The following DCC variants were observed in gnomAD, a reference collection of about 807,000 sequenced individuals.
DCC encodes DCC netrin 1 receptor.
DCC carries 58 observed loss-of-function variants against 172.5 expected under a neutral mutation model. The observed-to-expected ratio is 0.34, with a 90% CI of 0.27 to 0.42. DCC has a LOEUF of 0.42. Among genes scored for constraint, DCC ranks in the 10% least tolerant of loss-of-function variants. The pLI, the probability that DCC is intolerant of heterozygous loss-of-function variation, is 1.00. For missense variants in DCC, 1,740 were observed against 1,791.0 expected (o/e 0.97, Z 0.51); for synonymous variants, 709 against 644.5 (o/e 1.10, Z -1.52).
Position 52,752,132 on chromosome 18 carries a change from T to A in DCC, c.170T>A (p.Val57Asp). 1.2e-6 allele frequency: 2 copies of A among 1,614,154 alleles called. No individual in the cohort carries two copies. The highest frequency in any genetic ancestry group is 8.5e-7 in the Non-Finnish European group (1 of 1,180,028). ...GCCGTCACAATGCGGGGAGGAAATG[T>A]CCTCCTCGACTGCTCCGCGGAGTCC... is the stretch of plus-strand genomic sequence containing the variant. ...SDAVTMRGGNVLLDCSAESDR... is the reference protein window; with the variant it reads ...SDAVTMRGGNDLLDCSAESDR... The change falls in exon 2 of 29, where the codon GTC becomes GAC. Residue 57 changes from valine to aspartate, a missense_variant. Physicochemically the swap from Val to Asp is radical, Grantham distance 152. Around this residue, in one of 2 missense-constraint regions of DCC, gnomAD observed 1,732 missense variants for 1,767.4 expected, o/e 0.98. Transcript: ENST00000442544.
chr18:53,166,593 T>C (rs1181134757), intron 8 of DCC, among the ~76,000 whole-genome samples: 1 of 152,194 alleles, frequency 6.6e-6, no homozygotes, highest in Non-Finnish European at 1.5e-5. Flanking sequence ...GCTCATTATT[T>C]GCAGTTACAG....
At chr18:52,934,039 T>C (rs1016431785) in intron 5 of DCC, among the ~76,000 whole-genome samples, 3 of 152,026 alleles carry the variant, frequency 2.0e-5, no homozygotes, top group African/African-American at 7.2e-5. Context: ...GTTGGAAAGA[T>C]TAAGCTAGCT....
intron 15 of DCC, among the ~76,000 whole-genome samples, chr18:53,344,468 A>T (rs2057699855): frequency 8.8e-6 from 1 of 112,996 alleles, no homozygotes; most frequent in Admixed American, 1.2e-4. Flanking sequence ...TTTGAGCCAC[A>T]GTCTCACTTT....
chr18:53,306,376 A>T (rs553393428), intron 13 of DCC, among the ~76,000 whole-genome samples: 1 of 152,234 alleles, frequency 6.6e-6, no homozygotes, highest in Non-Finnish European at 1.5e-5. Context: ...TCAACGTAAT[A>T]CCTTTAAAGT....
At chr18:52,979,723 T>A (rs1267715988) in intron 5 of DCC, among the ~76,000 whole-genome samples, 2 of 152,176 alleles carry the variant, frequency 1.3e-5, no homozygotes, top group African/African-American at 2.4e-5. Context: ...GTGTACTGAA[T>A]GAGAAGAGCA....
intron 1 of DCC, among the ~76,000 whole-genome samples, chr18:52,611,902 C>T (rs2034283498): frequency 6.6e-6 from 1 of 152,158 alleles, no homozygotes; most frequent in Admixed American, 6.5e-5. Flanking sequence ...TAAATGATTA[C>T]ATATGTGATT....
chr18:53,361,647 A>G (rs1286069806), intron 15 of DCC, among the ~76,000 whole-genome samples: 2 of 152,194 alleles, frequency 1.3e-5, no homozygotes, highest in Non-Finnish European at 2.9e-5. Context: ...ATGTTAGTGT[A>G]CAGCAGATAC....
intron 5 of DCC, among the ~76,000 whole-genome samples, chr18:52,996,151 G>A (rs2041474425): frequency 6.6e-6 from 1 of 151,968 alleles, no homozygotes; most frequent in South Asian, 2.1e-4. Context: ...ATGTGTAATA[G>A]CGTAAAATTA....
chr18:52,673,794 A>G (rs1354104941), intron 1 of DCC, among the ~76,000 whole-genome samples: 1 of 152,200 alleles, frequency 6.6e-6, no homozygotes, highest in African/African-American at 2.4e-5. Flanking sequence ...TGTCCTCTTG[A>G]AAGTAAATAG....
intron 2 of DCC, among the ~76,000 whole-genome samples, chr18:52,904,937 A>G (rs1374957750): frequency 6.6e-6 from 1 of 152,182 alleles, no homozygotes; most frequent in East Asian, 1.9e-4. Context: ...ATTGATACCA[A>G]TAGATTTCTT....
At chr18:52,762,495 T>C (rs2037178767) in intron 2 of DCC, among the ~76,000 whole-genome samples, 1 of 151,484 alleles carries the variant, frequency 6.6e-6, no homozygotes, top group Non-Finnish European at 1.5e-5. Context: ...ACAAACATTT[T>C]TTAAACAAAA....
At chr18:53,484,423 A>G (rs2045877526) in intron 25 of DCC, among the ~76,000 whole-genome samples, 1 of 151,712 alleles carries the variant, frequency 6.6e-6, no homozygotes, top group South Asian at 2.1e-4. Context: ...GCTGTGCAGA[A>G]GCTTTTTAGT....
At chr18:53,382,609 G>T (rs374891851) in intron 15 of DCC, among the ~76,000 whole-genome samples, 6 of 152,128 alleles carry the variant, frequency 3.9e-5, no homozygotes, top group African/African-American at 1.4e-4. Flanking sequence ...TCTCTGCCCA[G>T]AATTATATTA....
rs1376613221 is a variant in DCC at position 52,931,379 on chromosome 18, A to G, written c.985+6009A>G. ...ATTCTTCATAAGATAAAATCCCACA[A>G]GAAATCCAAGCTTCTGCTTATAAAA... is the stretch of plus-strand genomic sequence containing the variant. On this transcript the variant is annotated intron_variant, in intron 5 of 28. Transcript: ENST00000442544. Among the ~76,000 whole-genome samples the G allele has an allele frequency of 3.3e-5, 5 of 152,096 alleles. 1 individual carries two copies. Among genetic ancestry groups the G allele is most frequent in the Admixed American group, 3.3e-4 (5 of 15,230 alleles).
chr18:53,494,192 C>CTGTT (rs1469094973), intron 26 of DCC, among the ~76,000 whole-genome samples: 1 of 152,126 alleles, frequency 6.6e-6, no homozygotes, highest in African/African-American at 2.4e-5. Flanking sequence ...GTCTGAGAGA[C>CTGTT]TGTTTATTAT....
At chr18:53,385,693 A>G (rs1317230725) in intron 15 of DCC, among the ~76,000 whole-genome samples, 1 of 152,162 alleles carries the variant, frequency 6.6e-6, no homozygotes, top group African/African-American at 2.4e-5. Flanking sequence ...GATGTTTCTT[A>G]CACAGATGCA....
At chr18:52,634,681 G>GTATAACTTAGTGGT (rs2034739552) in intron 1 of DCC, among the ~76,000 whole-genome samples, 1 of 152,106 alleles carries the variant, frequency 6.6e-6, no homozygotes, top group Non-Finnish European at 1.5e-5. Flanking sequence ...TTATTTAACA[G>GTATAACTTAGTGGT]TATAACTTAG....
intron 15 of DCC, among the ~76,000 whole-genome samples, chr18:53,372,972 C>G (rs1411417769): frequency 1.3e-5 from 2 of 152,138 alleles, no homozygotes; most frequent in Non-Finnish European, 2.9e-5. Flanking sequence ...ATATCTTCTT[C>G]CCACTTCTCA....
intron 12 of DCC, among the ~76,000 whole-genome samples, chr18:53,246,147 T>C (rs995325932): frequency 1.3e-5 from 2 of 152,100 alleles, no homozygotes; most frequent in African/African-American, 4.8e-5. Context: ...CTTAACCTTT[T>C]GGATTTCTGT....
Sources: allele counts gnomAD v4.1 joint callset (sites outside exome capture counted in the v4.1 genomes callset), GRCh38; gene constraint gnomAD v4.1.1; regional missense constraint gnomAD v4.1.1; transcripts MANE v1.5; gene names NCBI Gene and HGNC (gene_info 2026-07-23, HGNC 2026-07-21).